Variants in CPNE4 observed in about 807,000 individuals in gnomAD.
CPNE4 encodes the protein copine-4.
CPNE4 carries 25 observed loss-of-function variants against 67.9 expected under a neutral mutation model. The ratio of observed to expected loss-of-function variants is 0.37; its 90% CI spans 0.27 to 0.51. The LOEUF (loss-of-function observed/expected upper bound fraction) is 0.51. Ranked by LOEUF, CPNE4 falls within the 20% of genes least tolerant of loss-of-function variation. CPNE4 has a pLI of 0.93. For missense variants in CPNE4, 464 were observed against 690.8 expected, an observed-to-expected ratio of 0.67 and a Z score of 3.68; for synonymous variants, 242 against 244.9, an observed-to-expected ratio of 0.99 and a Z score of 0.11.
intron 2 of CPNE4, among the ~76,000 whole-genome samples, chr3:131,847,051 C>A (rs934823415): frequency 3.3e-5 from 5 of 152,126 alleles, no homozygotes; most frequent in African/African-American, 9.7e-5. Flanking sequence ...TAGCATCTGC[C>A]CCATCTCCCC....
At chr3:131,937,710 G>C (rs977818683) in intron 1 of CPNE4, among the ~76,000 whole-genome samples, 2 of 152,092 alleles carry the variant, frequency 1.3e-5, no homozygotes, top group Admixed American at 1.3e-4. Context: ...GATGGGGAAA[G>C]GGGGAAAGGA....
chr3:131,840,161 C>T (rs552685564), intron 2 of CPNE4, among the ~76,000 whole-genome samples: 1 of 152,122 alleles, frequency 6.6e-6, no homozygotes, highest in Non-Finnish European at 1.5e-5. Context: ...CATAGTCAGC[C>T]TTATATCTTC....
chr3:131,610,215 C>T (rs540172640), intron 7 of CPNE4, among the ~76,000 whole-genome samples: 93 of 152,212 alleles, frequency 6.1e-4, no homozygotes, highest in African/African-American at 2.2e-3. Context: ...TTTTCCATCA[C>T]AAAGCCTATA....
chr3:131,863,071 G>T (rs1560490736), intron 2 of CPNE4, among the ~76,000 whole-genome samples: 1 of 152,056 alleles, frequency 6.6e-6, no homozygotes, highest in African/African-American at 2.4e-5. Context: ...GTATTCCATG[G>T]TGTATATGTG....
At chr3:131,608,921 C>A (rs1326813854) in intron 7 of CPNE4, among the ~76,000 whole-genome samples, 1 of 152,038 alleles carries the variant, frequency 6.6e-6, no homozygotes, top group African/African-American at 2.4e-5. Flanking sequence ...CACAGGCATT[C>A]TTTCCTACTT....
At chr3:131,784,967 CT>C (rs1441471882) in intron 2 of CPNE4, among the ~76,000 whole-genome samples, 1 of 152,046 alleles carries the variant, frequency 6.6e-6, no homozygotes, top group African/African-American at 2.4e-5. Context: ...GACAAATGGG[CT>C]TGTGTCTAAA....
At chr3:131,881,369 C>T (rs1166699595) in intron 2 of CPNE4, among the ~76,000 whole-genome samples, 1 of 152,134 alleles carries the variant, frequency 6.6e-6, no homozygotes, top group Non-Finnish European at 1.5e-5. Flanking sequence ...TAAAGCTGTC[C>T]TTTGTTAAAC....
At chr3:131,724,472 A>G (rs2081957803) in intron 2 of CPNE4, among the ~76,000 whole-genome samples, 2 of 152,144 alleles carry the variant, frequency 1.3e-5, no homozygotes, top group Admixed American at 6.5e-5. Context: ...TTTCTGCACT[A>G]TTCTGTGACA....
chr3:131,785,671 T>TTCTCTCTC (rs10584037), intron 2 of CPNE4, among the ~76,000 whole-genome samples: 26 of 142,744 alleles, frequency 1.8e-4, no homozygotes, highest in Non-Finnish European at 3.4e-4. Flanking sequence ...CTTTCTCTCT[T>TTCTCTCTC]TCTCTCTCTC....
At chr3:131,939,104 A>G (rs182094184) in intron 1 of CPNE4, among the ~76,000 whole-genome samples, 139 of 152,306 alleles carry the variant, frequency 9.1e-4, no homozygotes, top group Non-Finnish European at 1.6e-3. Flanking sequence ...GTAAACGCAT[A>G]TACCCTTTGA....
intron 2 of CPNE4, among the ~76,000 whole-genome samples, chr3:131,894,311 T>G (rs995535256): frequency 6.6e-6 from 1 of 151,972 alleles, no homozygotes; most frequent in African/African-American, 2.4e-5. Flanking sequence ...CCAATTCTCC[T>G]CAAACTAGTC....
At chr3:131,570,302 TC>T (rs1937267479) in intron 10 of CPNE4, among the ~76,000 whole-genome samples, 2 of 150,014 alleles carry the variant, frequency 1.3e-5, no homozygotes, top group East Asian at 1.9e-4. Context: ...TCTACCATTT[TC>T]TCTTTTTATT....
At chr3:131,615,933 A>ACACACG (rs1553739670) in intron 7 of CPNE4, among the ~76,000 whole-genome samples, 1 of 130,702 alleles carries the variant, frequency 7.7e-6, no homozygotes, top group African/African-American at 2.8e-5. Context: ...ACACACGCAC[A>ACACACG]CACACACACA....
At chr3:131,545,520 A>T (rs1407849913) in intron 14 of CPNE4, among the ~76,000 whole-genome samples, 4 of 151,796 alleles carry the variant, frequency 2.6e-5, no homozygotes, top group East Asian at 3.9e-4. Context: ...AGTTATTAAT[A>T]AAAAAACACA....
chr3:132,001,980 C>T (rs2073464653), intron 1 of CPNE4, among the ~76,000 whole-genome samples: 1 of 152,032 alleles, frequency 6.6e-6, no homozygotes, highest in Admixed American at 6.6e-5. Context: ...ATGATCCTTT[C>T]CAAACATTTT....
At chr3:131,693,862 G>T (rs982882365) in intron 5 of CPNE4, among the ~76,000 whole-genome samples, 1 of 152,102 alleles carries the variant, frequency 6.6e-6, no homozygotes, top group Non-Finnish European at 1.5e-5. Flanking sequence ...TGCTCCAAAA[G>T]ACTTAGATTT....
At chr3:131,671,890 T>C (rs2080427123) in intron 6 of CPNE4, among the ~76,000 whole-genome samples, 1 of 152,166 alleles carries the variant, frequency 6.6e-6, no homozygotes, top group Admixed American at 6.6e-5. Context: ...ACCATATTGT[T>C]CTGTCAAATA....
chr3:131,838,447 A>T (rs116040981), intron 2 of CPNE4, among the ~76,000 whole-genome samples: 5,263 of 151,980 alleles, frequency 0.035, 301 homozygotes, highest in African/African-American at 0.12. Flanking sequence ...ACCAGTAAGA[A>T]ATACACAGGT....
chr3:131,895,088 A>G lies in CPNE4; in HGVS notation c.180+10176T>C, dbSNP rs540204560. Among the ~76,000 whole-genome samples the G allele has an allele frequency of 3.3e-5, 5 of 152,200 alleles. No homozygotes were observed. In the South Asian group the frequency reaches 1.0e-3, roughly 32 times the overall value. Reference sequence around the variant, plus strand: ...CATGGATGAACCTGGAGAACTTCATATTAAGTGAAATAAGCCAGGCACAGA... The same window carrying G: ...CATGGATGAACCTGGAGAACTTCATGTTAAGTGAAATAAGCCAGGCACAGA... On this transcript the variant is annotated intron_variant, in intron 2 of 15. Coordinates refer to ENST00000429747, the MANE Select transcript of CPNE4 (RefSeq NM_130808.3).
Sources: gnomAD v4.1 joint callset for allele counts (sites outside exome capture counted in the v4.1 genomes callset) on GRCh38, gnomAD v4.1.1 for gene constraint, MANE v1.5 for transcripts, NCBI Gene and HGNC (gene_info 2026-07-23, HGNC 2026-07-21) for gene names.